CADM2: variants seen among roughly 807,000 people sequenced by gnomAD.
CADM2 encodes cell adhesion molecule 2, also known as immunoglobulin superfamily member 4D.
CADM2 carries 12 observed loss-of-function variants against 49.8 expected under a neutral mutation model. The observed-to-expected ratio is 0.24, with a 90% confidence interval of 0.15 to 0.39. The LOEUF is 0.39. Ranked by LOEUF, CADM2 falls within the 10% of genes least tolerant of loss-of-function variation. CADM2 has a pLI of 1.00. For synonymous variants in CADM2, 214 were observed against 175.4 expected (o/e 1.22, Z -1.74); for missense variants, 378 against 492.3 (o/e 0.77, Z 2.20).
intron 5 of CADM2, among the ~76,000 whole-genome samples, chr3:85,905,959 T>G (rs1232782617): frequency 6.6e-6 from 1 of 152,152 alleles, no homozygotes; most frequent in African/African-American, 2.4e-5. Context: ...AGCAGGTTGC[T>G]TTTTCTGACA....
At chr3:85,075,065 G>T (rs2036891327) in intron 1 of CADM2, among the ~76,000 whole-genome samples, 1 of 151,996 alleles carries the variant, frequency 6.6e-6, no homozygotes, top group Non-Finnish European at 1.5e-5. Flanking sequence ...AGCCCATAAA[G>T]GAGGGGAAAA....
intron 4 of CADM2, among the ~76,000 whole-genome samples, chr3:85,885,299 G>A (rs1228132835): frequency 6.6e-6 from 1 of 151,486 alleles, no homozygotes; most frequent in African/African-American, 2.4e-5. Context: ...CACTTTGGGA[G>A]GCCGAGGTAG....
intron 6 of CADM2, among the ~76,000 whole-genome samples, chr3:85,930,367 T>C (rs540818030): frequency 7.2e-5 from 11 of 152,140 alleles, no homozygotes; most frequent in Non-Finnish European, 1.6e-4. Context: ...TGAGATGTTT[T>C]GATACAGGCA....
At chr3:85,408,010 CAAA>C (rs372349246) in intron 1 of CADM2, among the ~76,000 whole-genome samples, 1 of 56,174 alleles carries the variant, frequency 1.8e-5, no homozygotes, top group African/African-American at 6.2e-5. Flanking sequence ...AAAACAAAAC[CAAA>C]AAAAAAAAAA....
intron 1 of CADM2, among the ~76,000 whole-genome samples, chr3:85,183,243 T>C (rs2040978362): frequency 6.6e-6 from 1 of 152,138 alleles, no homozygotes; most frequent in Admixed American, 6.6e-5. Context: ...TGAATGCAGT[T>C]TTATTTTCCA....
intron 8 of CADM2, among the ~76,000 whole-genome samples, chr3:86,017,532 G>A (rs1033372699): frequency 1.3e-5 from 2 of 151,884 alleles, no homozygotes; most frequent in African/African-American, 4.8e-5. Context: ...GAGTTGGAGA[G>A]CAGACTGGGA....
chr3:85,159,632 G>T (rs1274446290), intron 1 of CADM2, among the ~76,000 whole-genome samples: 1 of 152,150 alleles, frequency 6.6e-6, no homozygotes, highest in Non-Finnish European at 1.5e-5. Flanking sequence ...AGGGCAATAG[G>T]TGAACATCTA....
At chr3:85,970,520 G>C (rs1275876634) in intron 8 of CADM2, among the ~76,000 whole-genome samples, 2 of 151,544 alleles carry the variant, frequency 1.3e-5, no homozygotes, top group Non-Finnish European at 1.5e-5. Context: ...GACATTCATA[G>C]TTTTCTTAAA....
chr3:85,654,539 G>GAAAGAAT, intron 1 of CADM2, among the ~76,000 whole-genome samples: 1 of 152,216 alleles, frequency 6.6e-6, no homozygotes, highest in African/African-American at 2.4e-5. Flanking sequence ...TGTCAGCCAG[G>GAAAGAAT]AAAGAATAAA....
In CADM2 at chr3:85,639,484, G is replaced by A. The variant is rs577450101; in HGVS notation, c.62-87038G>A. Among the ~76,000 whole-genome samples the A allele has an allele frequency of 2.0e-4, 30 of 152,186 alleles. No homozygotes were observed. The East Asian group carries it at 5.8e-3, about 29-fold the overall frequency. On this transcript the variant is annotated intron_variant, in intron 1 of 9. Coordinates refer to ENST00000383699, the MANE Select transcript of CADM2 (RefSeq NM_001167675.2). ...CCATCACATGCCATTGACTTTTTCAGGTATTAAGTTCAGTCAACTCGTAGA... is the reference window on the plus strand; with the variant it reads ...CCATCACATGCCATTGACTTTTTCAAGTATTAAGTTCAGTCAACTCGTAGA...
chr3:85,768,721 T>C (rs895185082), intron 2 of CADM2, among the ~76,000 whole-genome samples: 4 of 143,834 alleles, frequency 2.8e-5, no homozygotes, highest in East Asian at 2.0e-4. Context: ...TACACACATA[T>C]AGTATATATA....
At chr3:85,089,560 T>A (rs2037515595) in intron 1 of CADM2, among the ~76,000 whole-genome samples, 1 of 152,202 alleles carries the variant, frequency 6.6e-6, no homozygotes, top group Admixed American at 6.5e-5. Flanking sequence ...GTAATTAAAT[T>A]TATATTAGAG....
intron 6 of CADM2, among the ~76,000 whole-genome samples, chr3:85,935,077 A>G (rs1721044441): frequency 6.6e-6 from 1 of 152,092 alleles, no homozygotes; most frequent in South Asian, 2.1e-4. Flanking sequence ...AGTTATACAT[A>G]TAAATGTCTT....
At chr3:85,212,499 A>T (rs1042436462) in intron 1 of CADM2, among the ~76,000 whole-genome samples, 2 of 152,144 alleles carry the variant, frequency 1.3e-5, no homozygotes, top group Admixed American at 6.5e-5. Context: ...TCAATTCATT[A>T]TTTTAAACTA....
intron 8 of CADM2, among the ~76,000 whole-genome samples, chr3:86,044,771 G>A (rs1183851957): frequency 6.6e-6 from 1 of 152,088 alleles, no homozygotes; most frequent in East Asian, 1.9e-4. Context: ...CATGTTTATT[G>A]CGGCACTATT....
At chr3:85,566,565 G>T (rs2062264708) in intron 1 of CADM2, among the ~76,000 whole-genome samples, 1 of 152,048 alleles carries the variant, frequency 6.6e-6, no homozygotes, top group Non-Finnish European at 1.5e-5. Flanking sequence ...TGGAGATTCA[G>T]CATGATGTGT....
At chr3:85,408,090 A>T (rs62250685) in intron 1 of CADM2, among the ~76,000 whole-genome samples, 1 of 150,122 alleles carries the variant, frequency 6.7e-6, no homozygotes, top group African/African-American at 2.4e-5. Flanking sequence ...ATAAGATACT[A>T]GAATTGAAGT....
At chr3:85,154,861 A>T (rs2040052698) in intron 1 of CADM2, among the ~76,000 whole-genome samples, 1 of 150,894 alleles carries the variant, frequency 6.6e-6, no homozygotes, top group Non-Finnish European at 1.5e-5. Flanking sequence ...TGAAGGAGAA[A>T]TAAAATACTT....
chr3:85,850,040 C>T (rs992993105), intron 3 of CADM2, among the ~76,000 whole-genome samples: 5 of 152,172 alleles, frequency 3.3e-5, no homozygotes. Flanking sequence ...GTATATTTTA[C>T]TCTTCGTTAA....
Sources: allele counts gnomAD v4.1 joint callset (sites outside exome capture counted in the v4.1 genomes callset), GRCh38; gene constraint gnomAD v4.1.1; transcripts MANE v1.5; gene names NCBI Gene and HGNC (gene_info 2026-07-23, HGNC 2026-07-21).